L3MBTL1: variants seen among roughly 807,000 people sequenced by gnomAD.
L3MBTL1 encodes lethal(3)malignant brain tumor-like protein 1.
A neutral mutation model predicts 105.3 loss-of-function variants in L3MBTL1; 75 were observed. The ratio of observed to expected loss-of-function variants is 0.71; its 90% CI spans 0.59 to 0.86. L3MBTL1 has a LOEUF of 0.86. L3MBTL1 is among the 40% of genes least tolerant of loss of function. L3MBTL1 has a pLI of 0.00. For missense variants in L3MBTL1, 1,069 were observed against 1,126.4 expected (o/e 0.95, Z 0.73); for synonymous variants, 452 against 436.2 (o/e 1.04, Z -0.45).
chr20:43,515,226 G>T (rs533065169), intron 5 of L3MBTL1, 66 bp from the exon 6 acceptor site: 1 of 1,613,410 alleles, frequency 6.2e-7, no homozygotes. Context: ...TCCTGTTCAG[G>T]GGTTAGGAGA....
intron 11 of L3MBTL1, chr20:43,531,348 G>A (rs2019325717): frequency 6.4e-6 from 1 of 156,666 alleles, no homozygotes; most frequent in South Asian, 1.9e-4. Context: ...GCAGCTGGCA[G>A]CTTATCCAGC....
intron 7 of L3MBTL1, among the ~76,000 whole-genome samples, chr20:43,526,990 T>TA (rs1182918431): frequency 6.6e-6 from 1 of 151,988 alleles, no homozygotes; most frequent in Non-Finnish European, 1.5e-5. Context: ...TCTAGCCACT[T>TA]AGGTCCCAAC....
chr20:43,513,777 C>T (rs1422472651), intron 2 of L3MBTL1, 61 bp from the exon 3 acceptor site: 11 of 1,538,714 alleles, frequency 7.1e-6, no homozygotes, highest in South Asian at 3.6e-5. Flanking sequence ...CATGCATGGC[C>T]GGATTGAGGT....
intron 12 of L3MBTL1, 54 bp downstream of exon 12, chr20:43,532,978 A>G: frequency 6.3e-7 from 1 of 1,584,878 alleles, no homozygotes; most frequent in Non-Finnish European, 8.7e-7. Flanking sequence ...GCAGGGGGCA[A>G]CTGCTTTCAT....
chr20:43,528,775 G>T (rs1460843862), intron 8 of L3MBTL1, 30 bp downstream of exon 8: 6 of 1,549,082 alleles, frequency 3.9e-6, no homozygotes, highest in Middle Eastern at 3.4e-4. Context: ...CGTAGGAACA[G>T]CTTGTCTTCC....
In L3MBTL1 at chr20:43,531,903, G is replaced by T. The variant is rs770716241; in HGVS notation, c.1285-870G>T. 3.9e-5 allele frequency: 6 copies of T among 152,292 alleles called. No individual in the cohort carries two copies. The East Asian group carries it at 9.6e-4, about 24-fold the overall frequency. The allele number at this position is 152,292 out of a possible 1,614,324, so 9.4% of individuals were successfully genotyped here. On this transcript the variant is annotated intron_variant, in intron 11 of 21. Transcript: ENST00000418998. The stretch of plus-strand genomic sequence containing the variant: ...AAATTATTAGCTGGGCATGGTGCAT[G>T]TGCCTGTAGTCCTAGATACCACAGT...
rs139838170 is a variant in L3MBTL1, at chr20:43,529,810, T to G, written c.1056+442T>G. ...GCCTCCTTTGCAGAGTCTTGAGAGA[T>G]AAGTTGTGAATAAGGAGGGAGCTCC... On this transcript the variant is annotated intron_variant, in intron 9 of 21. Coordinates refer to ENST00000418998, the MANE Select transcript of L3MBTL1 (RefSeq NM_001377303.1). Among the ~76,000 whole-genome samples the G allele has an allele frequency of 1.2e-4, 19 of 152,102 alleles. 1 individual carries two copies. The East Asian group carries it at 3.7e-3, about 30-fold the overall frequency.
downstream of L3MBTL1, among the ~76,000 whole-genome samples, chr20:43,546,612 T>A (rs1978616505): frequency 6.6e-6 from 1 of 152,022 alleles, no homozygotes; most frequent in Admixed American, 6.6e-5. Flanking sequence ...TGGCGTCTCC[T>A]CAAAAACAGC....
intron 7 of L3MBTL1, among the ~76,000 whole-genome samples, chr20:43,521,188 ATC>A (rs2018687386): frequency 6.6e-6 from 1 of 152,238 alleles, no homozygotes; most frequent in African/African-American, 2.4e-5. Context: ...ACACACAAAT[ATC>A]TCTGTAGCAA....
At chr20:43,523,653 T>C (rs2018856334) in intron 7 of L3MBTL1, 1 of 192,324 alleles carries the variant, frequency 5.2e-6, no homozygotes, top group South Asian at 1.0e-4. Context: ...AGGTCTGTAC[T>C]GGTCAACAAG....
At position 43,536,464 on chromosome 20, in the gene L3MBTL1, TC is replaced by T; in HGVS notation, c.2173+7del. The T allele has an allele frequency of 6.2e-7, 1 of 1,613,870 alleles. No individual in the cohort carries two copies. Among genetic ancestry groups the T allele is most frequent in the Non-Finnish European group, 8.5e-7 (1 of 1,180,004 alleles). Reference sequence around the variant, plus strand: ...TCCGCAGGAAGATTTCCAGAGTAAGTCTGGGTTATCTGCTCCTATGTCCTCC... The same window carrying T: ...TCCGCAGGAAGATTTCCAGAGTAAGTTGGGTTATCTGCTCCTATGTCCTCC... On this transcript the variant is annotated splice_region_variant and intron_variant, in intron 19 of 21. Coordinates refer to ENST00000418998, the MANE Select transcript of L3MBTL1 (RefSeq NM_001377303.1).
intron 7 of L3MBTL1, 47 bp from the exon 8 acceptor site, chr20:43,528,610 A>T: frequency 7.0e-7 from 1 of 1,433,526 alleles, no homozygotes; most frequent in Non-Finnish European, 9.8e-7. Flanking sequence ...AGAAAGTCAT[A>T]TATCAGGAAC....
rs11476429 is a variant in L3MBTL1 at position 43,510,406 on chromosome 20, C to CTTTT, written c.-29+2675_-29+2678dup. On this transcript the variant is annotated intron_variant, in intron 1 of 21. Transcript: ENST00000418998. Reference sequence around the variant, plus strand: ...TATAATTTTCTTTCTTTCTTTCTTTCTTTTTTTTTTTTTTTTGAGGTGGAG... The same window carrying CTTTT: ...TATAATTTTCTTTCTTTCTTTCTTTCTTTTTTTTTTTTTTTTTTTTGAGGTGGAG... Among the ~76,000 whole-genome samples, 177 of 127,568 alleles carry CTTTT rather than the reference C, an allele frequency of 1.4e-3. 1 individual carries two copies. The highest frequency in any genetic ancestry group is 7.0e-3 in the East Asian group (30 of 4,276). 83.7% of individuals were successfully genotyped at this position (127,568 alleles called of 152,430 possible). A position where few individuals can be genotyped will look rare whatever the true frequency, so the allele number is the denominator to read the frequency against.
At chr20:43,515,861 G>C (rs1019931882) in intron 6 of L3MBTL1, 3 of 533,138 alleles carry the variant, frequency 5.6e-6, no homozygotes, top group Non-Finnish European at 6.8e-6. Context: ...ATAATAAGGA[G>C]AGTTGTAGTC....
intron 6 of L3MBTL1, 36 bp from the exon 7 acceptor site, chr20:43,516,057 A>G (rs2145385792): frequency 6.6e-7 from 1 of 1,507,064 alleles, no homozygotes; most frequent in East Asian, 2.3e-5. Context: ...CCAAACCATG[A>G]GGAGAAGAAG....
intron 7 of L3MBTL1, among the ~76,000 whole-genome samples, chr20:43,525,657 C>T (rs911050407): frequency 6.6e-6 from 1 of 152,168 alleles, no homozygotes; most frequent in Admixed American, 6.5e-5. Flanking sequence ...CTGAATTTGG[C>T]TGGGGGTGTT....
In L3MBTL1 at chr20:43,534,105, C is replaced by T. The variant is rs1453087719; in HGVS notation, c.1599+12C>T. 3.1e-6 allele frequency: 5 copies of T among 1,606,822 alleles called. No individual in the cohort carries two copies. The Admixed American group carries it at 5.0e-5, about 16-fold the overall frequency. On this transcript the variant is annotated intron_variant, in intron 14 of 21. Transcript: ENST00000418998. Reference sequence around the variant, plus strand: ...GGGCCTTCAAGGTGGTGAGTCAGTGCTCCCTGACCCCAGAGCTGAGCTCAG... The same window carrying T: ...GGGCCTTCAAGGTGGTGAGTCAGTGTTCCCTGACCCCAGAGCTGAGCTCAG...
chr20:43,512,829 TA>T (rs2018170938), intron 1 of L3MBTL1, among the ~76,000 whole-genome samples: 1 of 152,246 alleles, frequency 6.6e-6, no homozygotes, highest in Admixed American at 6.5e-5. Context: ...TTTGCGTTAT[TA>T]AAACAAAATC....
rs1340411653 is a variant in L3MBTL1, at chr20:43,540,963, T to C, written c.2424T>C (p.Ser808=). 2 of 1,614,030 alleles carry C rather than the reference T, an allele frequency of 1.2e-6. No homozygotes were observed. Among genetic ancestry groups the C allele is most frequent in the Non-Finnish European group, 1.7e-6 (2 of 1,180,022 alleles). The change falls in exon 22 of 22, where the codon TCT becomes TCC. Residue 808 remains serine (S), a synonymous_variant. Transcript: ENST00000418998. ...GAATAGTCAGAGTGACCCATGTATC[T>C]GGGAAGACTCTAGTCTGGACTGTGG... ...EARIVRVTHV[S]GKTLVWTVAQ...
Sources: gnomAD v4.1 joint callset for allele counts (sites outside exome capture counted in the v4.1 genomes callset) on GRCh38, gnomAD v4.1.1 for gene constraint, MANE v1.5 for transcripts, NCBI Gene and HGNC (gene_info 2026-07-23, HGNC 2026-07-21) for gene names.